ELF2: variants seen among roughly 807,000 people sequenced by gnomAD.
ELF2 encodes the protein E74 like ETS transcription factor 2.
Under a neutral mutation model 54.8 loss-of-function variants are expected in ELF2, and 11 were observed. The observed-to-expected ratio is 0.20, with a 90% CI of 0.13 to 0.33. ELF2 has a LOEUF of 0.33. Ranked by LOEUF, ELF2 falls within the 10% of genes least tolerant of loss-of-function variation. The pLI is 1.00. For synonymous variants in ELF2, 203 were observed against 245.1 expected (o/e 0.83, Z 1.61); for missense variants, 513 against 703.0 (o/e 0.73, Z 3.06).
intron 3 of ELF2, among the ~76,000 whole-genome samples, chr4:139,132,039 T>C (rs1489087632): frequency 6.6e-6 from 1 of 152,112 alleles, no homozygotes; most frequent in Non-Finnish European, 1.5e-5. Context: ...CTGGAAAAAA[T>C]ACACCTCAAA....
intron 1 of ELF2, among the ~76,000 whole-genome samples, chr4:139,162,287 G>A (rs1261165567): frequency 6.6e-6 from 1 of 151,962 alleles, no homozygotes; most frequent in Non-Finnish European, 1.5e-5. Flanking sequence ...GGGAGGCCGA[G>A]GAGGGCAGAT....
intron 1 of ELF2, among the ~76,000 whole-genome samples, chr4:139,174,914 C>T (rs569523486): frequency 2.6e-4 from 39 of 152,338 alleles, no homozygotes; most frequent in Admixed American, 2.4e-3. Context: ...CCACTGCACC[C>T]AGCAACTATG....
rs552224855 is a variant in ELF2 at position 139,166,730 on chromosome 4, T to C, written c.-252+10237A>G. ...AAAAATACAAAAAATTAGCTGGGCG[T>C]GGTGGTGGGCACCTGTAATCCCAGC... On this transcript the variant is annotated intron_variant, in intron 1 of 9. Transcript: ENST00000686138. 5.3e-5 allele frequency among the ~76,000 whole-genome samples: 8 copies of C among 152,182 alleles called. No homozygotes were observed. In the East Asian group the frequency reaches 1.4e-3, roughly 26 times the overall value.
intron 4 of ELF2, among the ~76,000 whole-genome samples, chr4:139,085,429 A>G (rs1370004458): frequency 6.6e-6 from 1 of 152,240 alleles, no homozygotes; most frequent in Non-Finnish European, 1.5e-5. Context: ...ACAAGGTGAC[A>G]ATTTTTATGA....
chr4:139,070,278 A>G (rs1729325136), intron 6 of ELF2, among the ~76,000 whole-genome samples: 1 of 151,084 alleles, frequency 6.6e-6, no homozygotes. Context: ...GGTGTTTTCC[A>G]TCTTCTTTTA....
chr4:139,105,256 AT>A (rs1327682298), intron 4 of ELF2, among the ~76,000 whole-genome samples: 1 of 152,286 alleles, frequency 6.6e-6, no homozygotes, highest in South Asian at 2.1e-4. Flanking sequence ...TGACAAAGTA[AT>A]TTTACTGTAG....
At chr4:139,117,126 C>T (rs1056639904) in intron 4 of ELF2, among the ~76,000 whole-genome samples, 4 of 152,078 alleles carry the variant, frequency 2.6e-5, no homozygotes, top group South Asian at 4.1e-4. Flanking sequence ...TGTCTTGATA[C>T]GTGGTTAAGG....
intron 4 of ELF2, among the ~76,000 whole-genome samples, chr4:139,083,668 G>C (rs1028988627): frequency 2.0e-5 from 3 of 152,212 alleles, no homozygotes; most frequent in African/African-American, 7.2e-5. Context: ...GGTGGCGAGC[G>C]TTCGCCGGAG....
intron 1 of ELF2, among the ~76,000 whole-genome samples, chr4:139,174,511 T>G (rs1385706727): frequency 6.6e-6 from 1 of 152,134 alleles, no homozygotes; most frequent in Non-Finnish European, 1.5e-5. Flanking sequence ...AGTATAGTGA[T>G]GGCTGCACAA....
intron 4 of ELF2, among the ~76,000 whole-genome samples, chr4:139,075,281 C>A (rs949426512): frequency 2.0e-5 from 3 of 152,202 alleles, no homozygotes; most frequent in Non-Finnish European, 4.4e-5. Context: ...AGGTAAGCAA[C>A]TTAATCTCTC....
At chr4:139,132,622 C>G (rs1436556279) in intron 3 of ELF2, among the ~76,000 whole-genome samples, 3 of 152,034 alleles carry the variant, frequency 2.0e-5, no homozygotes, top group African/African-American at 7.2e-5. Context: ...AATACTTCAT[C>G]TCCCTTCATT....
chr4:139,158,926 G>C (rs1740816417), intron 1 of ELF2, among the ~76,000 whole-genome samples: 2 of 152,082 alleles, frequency 1.3e-5, no homozygotes, highest in African/African-American at 4.8e-5. Flanking sequence ...TGAAGATTGA[G>C]GACCGTAAGA....
At chr4:139,141,472 T>G (rs1428777641) in intron 1 of ELF2, among the ~76,000 whole-genome samples, 1 of 152,194 alleles carries the variant, frequency 6.6e-6, no homozygotes, top group Non-Finnish European at 1.5e-5. Context: ...GGCCATCCCT[T>G]AAACACAGGG....
chr4:139,064,398 T>G (rs1379906048), intron 7 of ELF2, among the ~76,000 whole-genome samples: 1 of 152,194 alleles, frequency 6.6e-6, no homozygotes, highest in Non-Finnish European at 1.5e-5. Flanking sequence ...TTACTATCCT[T>G]AAATCCAGTT....
intron 1 of ELF2, among the ~76,000 whole-genome samples, chr4:139,142,575 G>A (rs1738804458): frequency 6.6e-6 from 1 of 152,128 alleles, no homozygotes; most frequent in Non-Finnish European, 1.5e-5. Context: ...CAGCAGAAAC[G>A]GGGGTCAGTT....
At chr4:139,072,704 A>G (rs1729690992) in intron 5 of ELF2, among the ~76,000 whole-genome samples, 1 of 152,200 alleles carries the variant, frequency 6.6e-6, no homozygotes, top group Admixed American at 6.5e-5. Context: ...CAAATAACCA[A>G]GATATGACAT....
chr4:139,176,079 G>GC (rs1742884094), intron 1 of ELF2, among the ~76,000 whole-genome samples: 1 of 152,158 alleles, frequency 6.6e-6, no homozygotes, highest in Non-Finnish European at 1.5e-5. Flanking sequence ...CCCTGGCAGA[G>GC]CCCTCCCTGT....
intron 1 of ELF2, among the ~76,000 whole-genome samples, chr4:139,158,511 G>T (rs1560879997): frequency 6.6e-6 from 1 of 152,146 alleles, no homozygotes; most frequent in Non-Finnish European, 1.5e-5. Context: ...GGGATTAGGG[G>T]CGACGTGGGA....
intron 3 of ELF2, among the ~76,000 whole-genome samples, chr4:139,131,775 C>T (rs1293458456): frequency 6.7e-6 from 1 of 149,314 alleles, no homozygotes; most frequent in African/African-American, 2.5e-5. Context: ...AGACAAGTCC[C>T]CTAAGCTAGA....
Sources: gnomAD v4.1 joint callset for allele counts (sites outside exome capture counted in the v4.1 genomes callset) on GRCh38, gnomAD v4.1.1 for gene constraint, MANE v1.5 for transcripts, NCBI Gene and HGNC (gene_info 2026-07-23, HGNC 2026-07-21) for gene names.